The following CR1L variants were observed in gnomAD, a reference collection of about 807,000 sequenced individuals.
CR1L encodes complement component receptor 1-like protein.
A neutral mutation model predicts 62.3 loss-of-function variants in CR1L; 59 were observed. The ratio of observed to expected loss-of-function variants is 0.95; its 90% CI spans 0.77 to 1.18. The LOEUF is 1.18. Among genes scored for constraint, CR1L ranks in the 50% most tolerant of loss-of-function variants. The pLI is 0.00. For missense variants in CR1L, 700 were observed against 702.8 expected (o/e 1.00, Z 0.04); for synonymous variants, 279 against 248.7 (o/e 1.12, Z -1.15).
chr1:207,701,780 AG>A, intron 9 of CR1L, 162 bp downstream of exon 9: 1 of 1,015,466 alleles, frequency 9.8e-7, no homozygotes, highest in Non-Finnish European at 1.5e-6. Context: ...GGAGAAGATT[AG>A]GGGAAAAATC....
At position 207,657,341 on chromosome 1, in the gene CR1L, C is replaced by A. The variant is rs566914497; in HGVS notation, c.97+12011C>A. 1.1e-4 allele frequency: 98 copies of A among 892,824 alleles called. 1 individual carries two copies. The South Asian group carries it at 1.3e-3, about 11-fold the overall frequency. 55.3% of individuals were successfully genotyped at this position (892,824 alleles called of 1,614,324 possible). The stretch of plus-strand genomic sequence containing the variant: ...TAAAAGTCACCTTTCAATTTATTTC[C>A]TTCTTCATCTGTAAGTACTCTGGAA... On this transcript the variant is annotated intron_variant, in intron 1 of 11. Coordinates refer to ENST00000508064, the MANE Select transcript of CR1L (RefSeq NM_175710.2).
chr1:207,702,151 T>C (rs1006334050), intron 9 of CR1L, among the ~76,000 whole-genome samples: 1 of 152,190 alleles, frequency 6.6e-6, no homozygotes, highest in Non-Finnish European at 1.5e-5. Context: ...CTGTGTAGCA[T>C]TTTGGTTATT....
At chr1:207,701,394 C>G (rs34828104) in intron 8 of CR1L, 125 bp from the exon 9 acceptor site, 466,618 of 1,278,252 alleles carry the variant, frequency 0.37, 87,098 homozygotes, top group Middle Eastern at 0.45. Flanking sequence ...TCTCAAGGTG[C>G]CAAAATCTGT....
intron 8 of CR1L, among the ~76,000 whole-genome samples, chr1:207,700,320 C>G (rs1664171396): frequency 1.3e-5 from 2 of 152,180 alleles, no homozygotes; most frequent in Non-Finnish European, 2.9e-5. Flanking sequence ...GGCAGCATGA[C>G]AAATGTCTGT....
chr1:207,692,045 T>G (rs1286873664), intron 4 of CR1L, among the ~76,000 whole-genome samples: 1 of 152,168 alleles, frequency 6.6e-6, no homozygotes, highest in African/African-American at 2.4e-5. Context: ...TTGGCTTATT[T>G]GAAGACAGTT....
At chr1:207,698,807 C>A (rs1173478817) in intron 7 of CR1L, among the ~76,000 whole-genome samples, 1 of 152,188 alleles carries the variant, frequency 6.6e-6, no homozygotes, top group Non-Finnish European at 1.5e-5. Context: ...CTTTACCACT[C>A]CAAACTGGGA....
chr1:207,702,487 G>T (rs1376205421), intron 9 of CR1L, among the ~76,000 whole-genome samples: 3 of 152,202 alleles, frequency 2.0e-5, no homozygotes, highest in African/African-American at 7.2e-5. Context: ...AGATGATTAA[G>T]CTTAGTGAGG....
Position 207,694,486 on chromosome 1 carries a change from TG to T in CR1L, c.598del (p.Val200TrpfsTer51), listed in dbSNP as rs1475560174. On this transcript the variant is annotated frameshift_variant, in exon 5 of 12. Transcript: ENST00000508064. LOFTEE classifies it high-confidence loss of function. ...GCAGAGGGAAAAAGGTGTTTGAGCTTGTGGGTGAGCCCTCCATATACTGCAC... is the reference window on the plus strand; with the variant it reads ...GCAGAGGGAAAAAGGTGTTTGAGCTTTGGGTGAGCCCTCCATATACTGCAC... Reference protein sequence around the residue: ...GSRGKKVFELVGEPSIYCTSK... With the variant: ...GSRGKKVFELXGEPSIYCTSK... The T allele has an allele frequency of 6.2e-7, 1 of 1,613,830 alleles. No individual in the cohort carries two copies. Among genetic ancestry groups the T allele is most frequent in the African/African-American group, 1.3e-5 (1 of 74,930 alleles).
intron 11 of CR1L, among the ~76,000 whole-genome samples, chr1:207,722,850 T>A (rs1361938158): frequency 2.6e-5 from 4 of 152,026 alleles, no homozygotes; most frequent in Non-Finnish European, 5.9e-5. Flanking sequence ...CCTAAGAAAA[T>A]AGTGTAAAAT....
rs191719136 is a variant in CR1L at position 207,715,344 on chromosome 1, G to T, written c.1415-2120G>T. On this transcript the variant is annotated intron_variant, in intron 10 of 11. Transcript: ENST00000508064. ...TTAAAAGGCAGGTCTGCTAGTCATTGTGTCTTGGCTGGAATGAAAGCCCTT... is the reference window on the plus strand; with the variant it reads ...TTAAAAGGCAGGTCTGCTAGTCATTTTGTCTTGGCTGGAATGAAAGCCCTT... 227 of 1,597,844 alleles carry T rather than the reference G, an allele frequency of 1.4e-4. No homozygotes were observed. The African/African-American group carries it at 2.9e-3, about 20-fold the overall frequency.
intron 9 of CR1L, among the ~76,000 whole-genome samples, chr1:207,706,038 T>C (rs1924220): frequency 0.32 from 46,710 of 145,378 alleles, 8,249 homozygotes; most frequent in East Asian, 0.69. Flanking sequence ...TATATATATA[T>C]ATATATAAAA....
At chr1:207,707,807 CACACACACACACAT>C (rs1051023700) in intron 9 of CR1L, among the ~76,000 whole-genome samples, 2 of 150,980 alleles carry the variant, frequency 1.3e-5, no homozygotes, top group African/African-American at 4.9e-5. Context: ...CACACACACA[CACACACACACACAT>C]ATTAAGGGAA....
intron 9 of CR1L, among the ~76,000 whole-genome samples, chr1:207,704,165 G>A (rs1175434481): frequency 6.6e-6 from 1 of 152,114 alleles, no homozygotes; most frequent in Admixed American, 6.5e-5. Flanking sequence ...AGTTGATTCC[G>A]ACCCTCATGG....
At position 207,678,254 on chromosome 1, in the gene CR1L, G is replaced by T. The variant is rs374279462; in HGVS notation, c.334G>T (p.Asp112Tyr). The T allele has an allele frequency of 3.7e-6, 6 of 1,613,574 alleles. No individual in the cohort carries two copies. The highest frequency in any genetic ancestry group is 1.6e-4 in the Middle Eastern group (1 of 6,084). The change falls in exon 3 of 12, where the codon GAC (aspartate) becomes TAC (tyrosine). Residue 112 changes from aspartate to tyrosine, a missense_variant. Physicochemically the swap from Asp to Tyr is radical, Grantham distance 160. Transcript: ENST00000508064. ...PVNGMAHVIK[D>Y]IQFRSQIKYS... is the part of the protein sequence containing the mutation. ...GAATGGCATGGCACATGTGATCAAA[G>T]ACATCCAGTTCAGATCCCAAATTAA... is the stretch of plus-strand genomic sequence containing the variant.
chr1:207,708,981 T>C (rs1407937506), intron 10 of CR1L: 1 of 343,260 alleles, frequency 2.9e-6, no homozygotes, highest in South Asian at 2.3e-5. Context: ...TGGCTGTAGA[T>C]CAGTATCCAG....
intron 3 of CR1L, among the ~76,000 whole-genome samples, chr1:207,683,098 C>T (rs1456702990): frequency 6.8e-6 from 1 of 146,846 alleles, no homozygotes; most frequent in Non-Finnish European, 1.5e-5. Flanking sequence ...CTTTCTCTTT[C>T]TCTCTCTCTC....
chr1:207,692,105 A>C (rs1283286864), intron 4 of CR1L, among the ~76,000 whole-genome samples: 1 of 152,228 alleles, frequency 6.6e-6, no homozygotes, highest in African/African-American at 2.4e-5. Context: ...TTGGCATAAG[A>C]GTAACCTACG....
At chr1:207,699,405 G>A (rs1664157948) in intron 8 of CR1L, 131 bp downstream of exon 8, 1 of 1,121,352 alleles carries the variant, frequency 8.9e-7, no homozygotes, top group Non-Finnish European at 1.3e-6. Context: ...TCTTATTTTA[G>A]TAATGTTTGG....
At chr1:207,668,509 T>C (rs1239116242) in intron 1 of CR1L, among the ~76,000 whole-genome samples, 1 of 150,818 alleles carries the variant, frequency 6.6e-6, no homozygotes, top group Non-Finnish European at 1.5e-5. Context: ...TTACCAGAGG[T>C]TGGGGTAGGG....
Sources: gnomAD v4.1 joint callset for allele counts (sites outside exome capture counted in the v4.1 genomes callset) on GRCh38, gnomAD v4.1.1 for gene constraint, MANE v1.5 for transcripts, NCBI Gene and HGNC (gene_info 2026-07-23, HGNC 2026-07-21) for gene names.